The following SPINT1 variants were observed in gnomAD, a reference collection of about 807,000 sequenced individuals.
The protein encoded by SPINT1 is kunitz-type protease inhibitor 1.
Under a neutral mutation model 53.7 loss-of-function variants are expected in SPINT1, and 38 were observed. The ratio of observed to expected loss-of-function variants is 0.71; its 90% CI spans 0.55 to 0.93. The LOEUF is 0.93. SPINT1 is among the 40% of genes least tolerant of loss of function. The probability of loss-of-function intolerance (pLI) is 0.00; values close to 1 mark genes in which losing one functional copy is unlikely to be tolerated. For synonymous variants in SPINT1, 283 were observed against 280.6 expected (o/e 1.01, Z -0.08); for missense variants, 645 against 692.9 (o/e 0.93, Z 0.78).
rs866687034 is a variant in SPINT1, at chr15:40,854,823, C to T, written c.1117+134C>T. On this transcript the variant is annotated intron_variant, in intron 8 of 10. Coordinates refer to ENST00000562057, the MANE Select transcript of SPINT1 (RefSeq NM_003710.4). ...GCACAAAGAGCCAGGGTGGGCTCCC[C>T]GTTCTCCAGATGGCTCAGCTTCTTC... 5.8e-5 allele frequency: 65 copies of T among 1,111,392 alleles called. No homozygotes were observed. The African/African-American group carries it at 7.4e-4, about 13-fold the overall frequency. The allele number at this position is 1,111,392 out of a possible 1,614,324, so 68.8% of individuals were successfully genotyped here.
intron 2 of SPINT1, 55 bp from the exon 3 acceptor site, chr15:40,853,069 G>C (rs928034005): frequency 1.3e-6 from 2 of 1,578,258 alleles, no homozygotes; most frequent in African/African-American, 2.7e-5. Context: ...GCTCCTGAGA[G>C]AAGCCTGGTC....
In SPINT1 at chr15:40,853,251, GGT is replaced by G; in HGVS notation, c.603+2_603+3del. ...GGGGTGACACGGATGTCAGGGTAGA[GGT>G]GAGACACTGGGCTGACTCTGACCCC... On this transcript the variant is annotated splice_donor_variant, in intron 3 of 10. Coordinates refer to ENST00000562057, the MANE Select transcript of SPINT1 (RefSeq NM_003710.4). LOFTEE classifies it high-confidence loss of function. The G allele has an allele frequency of 6.2e-7, 1 of 1,614,178 alleles. No individual in the cohort carries two copies. The highest frequency in any genetic ancestry group is 8.5e-7 in the Non-Finnish European group (1 of 1,179,994).
At position 40,857,326 on chromosome 15, in the gene SPINT1, C is replaced by T; in HGVS notation, c.*351C>T. On this transcript the variant is annotated 3_prime_UTR_variant, in exon 11 of 11. Transcript: ENST00000562057. ...GGGTGGTGTCAGACCCTGGAGGCCCCAACCCTGTCCTCCCGAGCTCCTCTT... is the reference window on the plus strand; with the variant it reads ...GGGTGGTGTCAGACCCTGGAGGCCCTAACCCTGTCCTCCCGAGCTCCTCTT... 1 of 290,388 alleles carries T rather than the reference C, an allele frequency of 3.4e-6. No individual in the cohort carries two copies. Among genetic ancestry groups the T allele is most frequent in the South Asian group, 6.2e-5 (1 of 16,168 alleles). The allele number at this position is 290,388 out of a possible 1,614,324, so 18.0% of individuals were successfully genotyped here.
Position 40,854,655 on chromosome 15 carries a change from C to T in SPINT1, c.1083C>T (p.Asp361=), listed in dbSNP as rs141062061. Residue 361 remains aspartate, a synonymous_variant, in exon 8 of 11, where the codon GAC becomes GAT. Transcript: ENST00000562057. ...AACEKYTSGF[D]ELQRIHFPSD... ...TCTCTGCAGACACGAGTGGCTTTGA[C>T]GAGCTCCAGCGCATCCATTTCCCCA... The T allele has an allele frequency of 7.4e-6, 12 of 1,614,018 alleles. No individual in the cohort carries two copies. The highest frequency in any genetic ancestry group is 1.3e-5 in the African/African-American group (1 of 74,922).
At chr15:40,852,394 G>A (rs1891483962) in intron 2 of SPINT1, among the ~76,000 whole-genome samples, 1 of 152,188 alleles carries the variant, frequency 6.6e-6, no homozygotes. Context: ...CCAGGGGTTA[G>A]ATGTGAACAT....
chr15:40,854,191 CAG>C (rs1282427321), intron 6 of SPINT1, 105 bp downstream of exon 6: 2 of 1,403,900 alleles, frequency 1.4e-6, no homozygotes, highest in Non-Finnish European at 1.9e-6. Flanking sequence ...TTCCTCCCCT[CAG>C]AGTTTGTGGA....
At chr15:40,853,027 A>C in intron 2 of SPINT1, 97 bp from the exon 3 acceptor site, 3 of 1,505,846 alleles carry the variant, frequency 2.0e-6, no homozygotes, top group Admixed American at 2.0e-5. Flanking sequence ...AGTTTGGTCT[A>C]GGTGGGGCCC....
In SPINT1 at chr15:40,856,758, T is replaced by G. The variant is rs759131239; in HGVS notation, c.1337-12T>G. On this transcript the variant is annotated splice_polypyrimidine_tract_variant and intron_variant, in intron 10 of 10. Transcript: ENST00000562057. The stretch of plus-strand genomic sequence containing the variant: ...CCCTGGGAGCCCCTTATTCTACCCC[T>G]TCTTCCCCCAGGCTCTGTGGAGATG... 5 of 1,613,890 alleles carry G rather than the reference T, an allele frequency of 3.1e-6. No individual in the cohort carries two copies. The African/African-American group carries it at 5.3e-5, about 17-fold the overall frequency.
intron 2 of SPINT1, among the ~76,000 whole-genome samples, chr15:40,850,962 GC>G (rs1330535534): frequency 6.6e-6 from 1 of 151,976 alleles, no homozygotes; most frequent in Non-Finnish European, 1.5e-5. Flanking sequence ...AGGACTCTAC[GC>G]CACTGCTCAC....
In SPINT1 at chr15:40,854,514, G is replaced by A. The variant is rs1891573981; in HGVS notation, c.1058G>A (p.Cys353Tyr). ...CCCGACGCCTCCGACGAGGCTGCCTGTGAAAAATGTGAGGCCTGGGGGATA... is the reference window on the plus strand; with the variant it reads ...CCCGACGCCTCCGACGAGGCTGCCTATGAAAAATGTGAGGCCTGGGGGATA... The part of the protein sequence containing the change: ...NCPDASDEAA[C>Y]EKYTSGFDEL... The change falls in exon 7 of 11, where the codon TGT becomes TAT. Residue 353 changes from cysteine to tyrosine, a missense_variant. Cys to Tyr is a radical substitution (Grantham distance 194, BLOSUM62 -2). Coordinates refer to ENST00000562057, the MANE Select transcript of SPINT1 (RefSeq NM_003710.4). 2 of 1,613,476 alleles carry A rather than the reference G, an allele frequency of 1.2e-6. No homozygotes were observed. The highest frequency in any genetic ancestry group is 2.2e-5 in the East Asian group (1 of 44,880).
In SPINT1 at chr15:40,844,541, TG is replaced by T; in HGVS notation, c.-10del. ...GCCCGCGCTCTGAAGGTGACCCCCCTGGGGAGGAAGGCGATGGCCCCTGCGA... is the reference window on the plus strand; with the variant it reads ...GCCCGCGCTCTGAAGGTGACCCCCCTGGGAGGAAGGCGATGGCCCCTGCGA... On this transcript the variant is annotated 5_prime_UTR_variant, in exon 2 of 11. Coordinates refer to ENST00000562057, the MANE Select transcript of SPINT1 (RefSeq NM_003710.4). The surrounding 1 kb of genome is among the most constrained non-coding windows in gnomAD (Gnocchi z 5.8). 1 of 1,610,052 alleles carries T rather than the reference TG, an allele frequency of 6.2e-7. No individual in the cohort carries two copies. The highest frequency in any genetic ancestry group is 8.5e-7 in the Non-Finnish European group (1 of 1,178,874).
In SPINT1 at chr15:40,844,758, G is replaced by A. The variant is rs751601912; in HGVS notation, c.204G>A (p.Ser68=). 1 of 1,611,266 alleles carries A rather than the reference G, an allele frequency of 6.2e-7. No homozygotes were observed. The highest frequency in any genetic ancestry group is 1.1e-5 in the South Asian group (1 of 90,844). Reference sequence around the variant, plus strand: ...GCTTCGTGCTGGACACCAACGCCTCGGTCAGCAACGGAGCTACCTTCCTGG... The same window carrying A: ...GCTTCGTGCTGGACACCAACGCCTCAGTCAGCAACGGAGCTACCTTCCTGG... ...VPGFVLDTNA[S]VSNGATFLES... is the part of the protein sequence containing the mutation. Residue 68 remains serine, a synonymous_variant, in exon 2 of 11, where the codon TCG becomes TCA. Coordinates refer to ENST00000562057, the MANE Select transcript of SPINT1 (RefSeq NM_003710.4). The surrounding 1 kb of genome is among the most constrained non-coding windows in gnomAD (Gnocchi z 5.8).
chr15:40,853,806 T>G lies in SPINT1; in HGVS notation c.838T>G (p.Tyr280Asp), dbSNP rs201712230. ...GGAGCAGATCTGCAAGAGTTTCGTT[T>G]ATGGAGGCTGCTTGGGCAACAAGAA... ...PTEQICKSFV[Y>D]GGCLGNKNNY... is the part of the protein sequence containing the mutation. The change falls in exon 5 of 11, where the codon TAT (tyrosine) becomes GAT (aspartate). Residue 280 changes from tyrosine to aspartate, a missense_variant. Coordinates refer to ENST00000562057, the MANE Select transcript of SPINT1 (RefSeq NM_003710.4). The G allele has an allele frequency of 3.3e-5, 53 of 1,614,208 alleles. No homozygotes were observed. Among genetic ancestry groups the G allele is most frequent in the Non-Finnish European group, 4.5e-5 (53 of 1,180,038 alleles).
chr15:40,857,107 A>G lies in SPINT1; in HGVS notation c.*132A>G. On this transcript the variant is annotated 3_prime_UTR_variant, in exon 11 of 11. Coordinates refer to ENST00000562057, the MANE Select transcript of SPINT1 (RefSeq NM_003710.4). ...ACTGTGCCTCAGAGACCAGGGCTCC[A>G]GCCCCTCTTGGAGAAGTCTCAGCTA... is the stretch of plus-strand genomic sequence containing the variant. The G allele has an allele frequency of 1.6e-6, 2 of 1,218,218 alleles. No individual in the cohort carries two copies. The highest frequency in any genetic ancestry group is 1.5e-5 in the South Asian group (1 of 66,198). The allele number at this position is 1,218,218 out of a possible 1,614,324, so 75.5% of individuals were successfully genotyped here.
At position 40,854,211 on chromosome 15, in the gene SPINT1, C is replaced by T. The variant is rs1189943828; in HGVS notation, c.940+125C>T. 12 of 1,371,670 alleles carry T rather than the reference C, an allele frequency of 8.7e-6. No homozygotes were observed. The East Asian group carries it at 2.8e-4, about 32-fold the overall frequency. 85.0% of individuals were successfully genotyped at this position (1,371,670 alleles called of 1,614,324 possible). On this transcript the variant is annotated intron_variant, in intron 6 of 10. Transcript: ENST00000562057. ...CCCCTCAGAGTTTGTGGAAGGACCA[C>T]AAACATCCCACCCCTTCCAGCCCAG...
rs28422875 is a variant in SPINT1 at position 40,844,377 on chromosome 15, T to G, written c.-65-113T>G. 31 of 727,840 alleles carry G rather than the reference T, an allele frequency of 4.3e-5. No homozygotes were observed. The Admixed American group carries it at 4.4e-4, about 10-fold the overall frequency. 45.1% of individuals were successfully genotyped at this position (727,840 alleles called of 1,614,324 possible). A position where few individuals can be genotyped will look rare whatever the true frequency, so the allele number is the denominator to read the frequency against. On this transcript the variant is annotated intron_variant, in intron 1 of 10. Transcript: ENST00000562057. The surrounding 1 kb of genome is among the most constrained non-coding windows in gnomAD (Gnocchi z 5.8). ...CGGGCCCGTGCGCCCTCTTCGATCC[T>G]GGGGTGCTCCGGTCCCTCCTCCCCG...
chr15:40,854,086 G>A lies in SPINT1; in HGVS notation c.940G>A (p.Val314Met). 2 of 1,542,820 alleles carry A rather than the reference G, an allele frequency of 1.3e-6. No homozygotes were observed. The highest frequency in any genetic ancestry group is 2.8e-5 in the African/African-American group (2 of 72,430). Residue 314 changes from valine (V) to methionine (M), a missense_variant and splice_region_variant, in exon 6 of 11, where the codon GTG becomes ATG. Physicochemically the swap from Val to Met is conservative, Grantham distance 21. Transcript: ENST00000562057. ...QGPSMERRHP[V>M]CSGTCQPTQF... ...CCCCTCCATGGAAAGGCGCCATCCA[G>A]GTGGGCTTTACTCCCCTCCCCATCC...
intron 8 of SPINT1, among the ~76,000 whole-genome samples, chr15:40,855,450 C>A (rs1349659804): frequency 1.3e-5 from 2 of 148,620 alleles, no homozygotes; most frequent in African/African-American, 2.5e-5. Context: ...TGAGGCCCAT[C>A]CTCTTTTTTA....
chr15:40,853,338 C>G, intron 3 of SPINT1, 87 bp downstream of exon 3: 1 of 1,604,648 alleles, frequency 6.2e-7, no homozygotes, highest in Non-Finnish European at 8.5e-7. Context: ...AACCAATGGC[C>G]CCGGATGGGA....
Sources: gnomAD v4.1 joint callset for allele counts (sites outside exome capture counted in the v4.1 genomes callset) on GRCh38, gnomAD v4.1.1 for gene constraint, Gnocchi (gnomAD v3.1) non-coding constraint, MANE v1.5 for transcripts, NCBI Gene and HGNC (gene_info 2026-07-23, HGNC 2026-07-21) for gene names.